SGCD: variants seen among roughly 807,000 people sequenced by gnomAD.
The protein encoded by SGCD is sarcoglycan delta, also known as delta-sarcoglycan.
SGCD carries 18 observed loss-of-function variants against 36.6 expected under a neutral mutation model. That is an observed-to-expected ratio of 0.49 (90% CI 0.34 to 0.73). The LOEUF (loss-of-function observed/expected upper bound fraction) is 0.73. SGCD is among the 30% of genes least tolerant of loss of function. The pLI is 0.01. For synonymous variants in SGCD, 133 were observed against 130.6 expected (o/e 1.02, Z -0.12); for missense variants, 387 against 346.7 (o/e 1.12, Z -0.92).
intron 1 of SGCD, among the ~76,000 whole-genome samples, chr5:155,964,232 T>C (rs1402426791): frequency 1.3e-5 from 2 of 152,128 alleles, no homozygotes; most frequent in African/African-American, 4.8e-5. Context: ...TTTTTAGATA[T>C]CTGTGTTGGG....
chr5:155,893,458 A>G (rs997595806), intron 1 of SGCD, among the ~76,000 whole-genome samples: 1 of 152,238 alleles, frequency 6.6e-6, no homozygotes, highest in South Asian at 2.1e-4. Flanking sequence ...TGTCAAAATC[A>G]GAGCTCTTTT....
chr5:155,881,324 A>AAATAAATAAATAAATAAATG (rs1561636717), intron 1 of SGCD, among the ~76,000 whole-genome samples: 8 of 151,202 alleles, frequency 5.3e-5, no homozygotes, highest in Non-Finnish European at 8.8e-5. Flanking sequence ...ATAAATAAAT[A>AAATAAATAAATAAATAAATG]AAGAATATAG....
At chr5:156,256,033 A>G (rs10058777) in intron 3 of SGCD, among the ~76,000 whole-genome samples, 23,515 of 152,196 alleles carry the variant, frequency 0.15, 2,665 homozygotes, top group African/African-American at 0.32. Context: ...TTCTGCTCAC[A>G]TTATATCTAA....
intron 3 of SGCD, among the ~76,000 whole-genome samples, chr5:156,166,983 T>C (rs1047464199): frequency 6.6e-6 from 1 of 152,130 alleles, no homozygotes; most frequent in Non-Finnish European, 1.5e-5. Flanking sequence ...CATTCTGACC[T>C]TTTTTCACTT....
chr5:156,092,649 C>T (rs1397053769), intron 1 of SGCD, among the ~76,000 whole-genome samples: 5 of 152,194 alleles, frequency 3.3e-5, no homozygotes, highest in African/African-American at 1.2e-4. Context: ...CTTTATCTTC[C>T]TTCTTCTCAG....
chr5:155,851,363 G>A, the SGCD span, among the ~76,000 whole-genome samples: 24 of 152,108 alleles, frequency 1.6e-4, no homozygotes, highest in Non-Finnish European at 3.1e-4. Flanking sequence ...TTTGTTGTGG[G>A]GATAAAGCGA....
chr5:156,071,809 G>T (rs886451309), intron 1 of SGCD, among the ~76,000 whole-genome samples: 3 of 152,128 alleles, frequency 2.0e-5, no homozygotes, highest in Admixed American at 2.0e-4. Context: ...ATGAATCTGG[G>T]TGCTCCTGTA....
chr5:156,605,950 T>C (rs1197038965), intron 6 of SGCD, among the ~76,000 whole-genome samples: 1 of 152,218 alleles, frequency 6.6e-6, no homozygotes, highest in Non-Finnish European at 1.5e-5. Flanking sequence ...TATTAGCCCT[T>C]TGTCAGATGA....
chr5:156,101,545 GC>G lies in SGCD; in HGVS notation c.-281-16329del, dbSNP rs1460744406. ...AGTTCTCCCCTAATGAATCGTTATT[GC>G]CCCTTTGATTTACTCATAGATGTCT... is the stretch of plus-strand genomic sequence containing the variant. On this transcript the variant is annotated intron_variant, in intron 1 of 9. Transcript: ENST00000517913. 1.8e-4 allele frequency among the ~76,000 whole-genome samples: 28 copies of G among 152,208 alleles called. 1 individual carries two copies. The highest frequency in any genetic ancestry group is 1.5e-3 in the Admixed American group (23 of 15,284).
chr5:156,355,129 T>C (rs947079247), intron 3 of SGCD, among the ~76,000 whole-genome samples: 3 of 152,218 alleles, frequency 2.0e-5, no homozygotes, highest in Admixed American at 1.3e-4. Flanking sequence ...TCACAGGAAG[T>C]TCTTTGTTTC....
intron 3 of SGCD, among the ~76,000 whole-genome samples, chr5:156,368,217 A>G (rs1303560948): frequency 2.0e-5 from 3 of 151,770 alleles, no homozygotes; most frequent in Admixed American, 6.6e-5. Flanking sequence ...TAGCCTCCTG[A>G]GTAGCTGGGA....
intron 7 of SGCD, among the ~76,000 whole-genome samples, chr5:156,651,090 G>T (rs1250595035): frequency 2.0e-5 from 3 of 152,024 alleles, no homozygotes; most frequent in African/African-American, 7.2e-5. Flanking sequence ...TTGGCCATGT[G>T]TATGCCTTCT....
At chr5:156,532,091 T>C (rs912008954) in intron 4 of SGCD, among the ~76,000 whole-genome samples, 6 of 151,840 alleles carry the variant, frequency 4.0e-5, no homozygotes, top group Non-Finnish European at 7.4e-5. Context: ...GCCTGAGTGA[T>C]AAGAGCAAAA....
At chr5:156,326,365 T>A (rs1767816087), upstream of SGCD, among the ~76,000 whole-genome samples, 1 of 152,248 alleles carries the variant, frequency 6.6e-6, no homozygotes, top group Admixed American at 6.5e-5. Context: ...TCTTTTCTAT[T>A]TTCCATAACC....
intron 3 of SGCD, among the ~76,000 whole-genome samples, chr5:156,300,003 A>G (rs1354006732): frequency 6.6e-6 from 1 of 151,794 alleles, no homozygotes; most frequent in Admixed American, 6.6e-5. Context: ...TATCCTTGTC[A>G]TGTTCCTGAT....
intron 3 of SGCD, among the ~76,000 whole-genome samples, chr5:156,369,696 C>A (rs1770283472): frequency 6.6e-6 from 1 of 152,102 alleles, no homozygotes; most frequent in African/African-American, 2.4e-5. Context: ...GATTTTAAAT[C>A]TAAATTTAGC....
chr5:155,745,005 G>C, the SGCD span, among the ~76,000 whole-genome samples: 2 of 152,334 alleles, frequency 1.3e-5, no homozygotes, highest in East Asian at 1.9e-4. Context: ...AGATCCACCT[G>C]CAAAGGAACC....
intron 1 of SGCD, among the ~76,000 whole-genome samples, chr5:156,001,082 T>C (rs965481870): frequency 1.3e-5 from 2 of 152,150 alleles, no homozygotes; most frequent in Non-Finnish European, 2.9e-5. Context: ...AGGGACTTTG[T>C]GGGGTTGACT....
intron 7 of SGCD, among the ~76,000 whole-genome samples, chr5:156,716,521 A>C (rs1396376209): frequency 1.3e-5 from 2 of 152,204 alleles, no homozygotes; most frequent in Admixed American, 1.3e-4. Context: ...CCTATTTGAA[A>C]AATGTGCGTA....
Sources: gnomAD v4.1 joint callset for allele counts (sites outside exome capture counted in the v4.1 genomes callset) on GRCh38, gnomAD v4.1.1 for gene constraint, MANE v1.5 for transcripts, NCBI Gene and HGNC (gene_info 2026-07-23, HGNC 2026-07-21) for gene names.